HTR2C: variants seen among roughly 807,000 people sequenced by gnomAD.
HTR2C encodes the protein 5-hydroxytryptamine receptor 2C.
A neutral mutation model predicts 21.0 loss-of-function variants in HTR2C; 5 were observed. That is an observed-to-expected ratio of 0.24 (90% confidence interval 0.12 to 0.50). The LOEUF (loss-of-function observed/expected upper bound fraction) is 0.50. Ranked by LOEUF, HTR2C falls within the 20% of genes least tolerant of loss-of-function variation. HTR2C has a pLI of 0.98. For synonymous variants in HTR2C, 150 were observed against 145.3 expected (o/e 1.03, Z -0.23); for missense variants, 271 against 371.2 (o/e 0.73, Z 2.22).
intron 2 of HTR2C, among the ~76,000 whole-genome samples, chrX:114,625,204 C>T (rs1556402587): frequency 8.9e-6 from 1 of 111,733 alleles, no homozygotes; most frequent in East Asian, 2.8e-4. Flanking sequence ...CTGAGGCCCT[C>T]ACCAGAAGCA....
Position 114,907,655 on chromosome X carries a change from T to C in HTR2C, c.*240T>C, listed in dbSNP as rs201048007. ...TTTTGATTGTTTGATGAATAAAATGTTTATTTTTGCTCTCCCTCCCTTCTT... is the reference window on the plus strand; with the variant it reads ...TTTTGATTGTTTGATGAATAAAATGCTTATTTTTGCTCTCCCTCCCTTCTT... On this transcript the variant is annotated 3_prime_UTR_variant, in exon 6 of 6. Transcript: ENST00000276198. The C allele has an allele frequency of 2.0e-5, 6 of 293,988 alleles. No individual in the cohort carries two copies. Among genetic ancestry groups the C allele is most frequent in the African/African-American group, 1.1e-4 (4 of 36,393 alleles). 24.2% of individuals were successfully genotyped at this position (293,988 alleles called of 1,213,427 possible). A position where few individuals can be genotyped will look rare whatever the true frequency, so the allele number is the denominator to read the frequency against.
rs141044337 is a variant in HTR2C, at chrX:114,613,900, G to C, written c.-80+19G>C. 2 of 111,361 alleles carry C rather than the reference G, an allele frequency of 1.8e-5. No individual in the cohort carries two copies. The highest frequency in any genetic ancestry group is 3.8e-5 in the Non-Finnish European group (2 of 53,100). 9.2% of individuals were successfully genotyped at this position (111,361 alleles called of 1,213,427 possible). On this transcript the variant is annotated intron_variant, in intron 2 of 5. Transcript: ENST00000276198. ...AACAACTGTAAGTATACACATAAGC[G>C]TGCCTCAAGACTCTTATTTTGAAAT...
At chrX:114,762,855 A>C (rs1254671695) in intron 4 of HTR2C, among the ~76,000 whole-genome samples, 1 of 112,121 alleles carries the variant, frequency 8.9e-6, no homozygotes, top group African/African-American at 3.2e-5. Context: ...CAGAAGAAAT[A>C]GCTTTCATGT....
chrX:114,594,934 G>A (rs1446444218), intron 1 of HTR2C, among the ~76,000 whole-genome samples: 4 of 110,802 alleles, frequency 3.6e-5, no homozygotes, highest in African/African-American at 1.3e-4. Flanking sequence ...TAGCTGAAAG[G>A]GTTTAATAAT....
At chrX:114,789,317 A>G (rs2070208659) in intron 4 of HTR2C, among the ~76,000 whole-genome samples, 1 of 111,967 alleles carries the variant, frequency 8.9e-6, no homozygotes, top group Non-Finnish European at 1.9e-5. Context: ...ATTTAAGATT[A>G]ATGTTTTATC....
intron 4 of HTR2C, among the ~76,000 whole-genome samples, chrX:114,805,810 C>CACCATATATACACCATATATAT (rs1569495594): frequency 2.6e-4 from 24 of 93,728 alleles, no homozygotes; most frequent in African/African-American, 1.1e-3. Context: ...CATGTATATA[C>CACCATATATACACCATATATAT]ACCATATATA....
intron 2 of HTR2C, among the ~76,000 whole-genome samples, chrX:114,677,714 G>A (rs782673931): frequency 1.5e-4 from 17 of 111,588 alleles, no homozygotes; most frequent in African/African-American, 5.2e-4. Flanking sequence ...AAACAATCTT[G>A]AGTATTGTCA....
chrX:114,626,377 A>G (rs1929375732), intron 2 of HTR2C, among the ~76,000 whole-genome samples: 1 of 80,697 alleles, frequency 1.2e-5, no homozygotes, highest in Non-Finnish European at 2.4e-5. Context: ...CAACAGAAGG[A>G]GACCCTGTCA....
intron 4 of HTR2C, among the ~76,000 whole-genome samples, chrX:114,780,948 A>G (rs2070110772): frequency 9.0e-6 from 1 of 111,600 alleles, no homozygotes; most frequent in South Asian, 3.7e-4. Flanking sequence ...TCAATAAAGA[A>G]AAAAACTATA....
intron 5 of HTR2C, among the ~76,000 whole-genome samples, chrX:114,886,441 GC>G (rs1191450112): frequency 1.8e-5 from 2 of 109,805 alleles, no homozygotes; most frequent in African/African-American, 6.6e-5. Flanking sequence ...TTTACTGCTT[GC>G]TTTTACAGTA....
intron 1 of HTR2C, among the ~76,000 whole-genome samples, chrX:114,598,720 C>T (rs1927963402): frequency 9.0e-6 from 1 of 110,997 alleles, no homozygotes; most frequent in Non-Finnish European, 1.9e-5. Context: ...TTAGGAATAC[C>T]AGCAAAGTAC....
At chrX:114,845,377 G>T (rs1405109687) in intron 4 of HTR2C, among the ~76,000 whole-genome samples, 2 of 110,514 alleles carry the variant, frequency 1.8e-5, no homozygotes, top group Non-Finnish European at 3.8e-5. Context: ...GCTGCGCTCA[G>T]AGGGAAATTT....
At chrX:114,665,048 A>G (rs1228189146) in intron 2 of HTR2C, among the ~76,000 whole-genome samples, 1 of 112,563 alleles carries the variant, frequency 8.9e-6, no homozygotes, top group Non-Finnish European at 1.9e-5. Context: ...TATCGCAAAT[A>G]GAACAAGCAC....
At chrX:114,795,760 G>T (rs1025391042) in intron 4 of HTR2C, among the ~76,000 whole-genome samples, 2 of 111,192 alleles carry the variant, frequency 1.8e-5, no homozygotes, top group East Asian at 2.8e-4. Flanking sequence ...CTGTTTTGGT[G>T]ACTGTAGCCT....
intron 4 of HTR2C, among the ~76,000 whole-genome samples, chrX:114,791,548 C>T (rs1381989377): frequency 9.0e-6 from 1 of 111,511 alleles, no homozygotes; most frequent in African/African-American, 3.3e-5. Flanking sequence ...AAGTTTATAA[C>T]TATTTAATTC....
chrX:114,907,694 CCTTT>C lies in HTR2C; in HGVS notation c.*283_*286del. 4.1e-6 allele frequency: 1 copy of C among 246,871 alleles called. No individual in the cohort carries two copies. Among genetic ancestry groups the C allele is most frequent in the Non-Finnish European group, 7.2e-6 (1 of 138,818 alleles). The allele number at this position is 246,871 out of a possible 1,213,427, so 20.3% of individuals were successfully genotyped here. A position where few individuals can be genotyped will look rare whatever the true frequency, so the allele number is the denominator to read the frequency against. On this transcript the variant is annotated 3_prime_UTR_variant, in exon 6 of 6. Transcript: ENST00000276198. ...CCCTCCCTTCTTTCCTTCCTTTTTTCCTTTCTTCCTTCCTTTCTCTCTTTCTTTT... is the reference window on the plus strand; with the variant it reads ...CCCTCCCTTCTTTCCTTCCTTTTTTCCTTCCTTCCTTTCTCTCTTTCTTTT...
intron 2 of HTR2C, among the ~76,000 whole-genome samples, chrX:114,648,352 G>A (rs1930435917): frequency 9.0e-6 from 1 of 111,273 alleles, no homozygotes; most frequent in South Asian, 3.8e-4. Context: ...AAATGTCAAG[G>A]TGCCATGTTT....
At chrX:114,784,282 G>T (rs2070151240) in intron 4 of HTR2C, among the ~76,000 whole-genome samples, 1 of 110,717 alleles carries the variant, frequency 9.0e-6, no homozygotes, top group Non-Finnish European at 1.9e-5. Context: ...CATAACAAAA[G>T]GATATTATAA....
chrX:114,668,450 G>A (rs1931252746), intron 2 of HTR2C, among the ~76,000 whole-genome samples: 1 of 111,293 alleles, frequency 9.0e-6, no homozygotes, highest in Non-Finnish European at 1.9e-5. Context: ...TTTTTATTTA[G>A]CTCTTAGAGA....
Sources: gnomAD v4.1 joint callset for allele counts (sites outside exome capture counted in the v4.1 genomes callset) on GRCh38, gnomAD v4.1.1 for gene constraint, MANE v1.5 for transcripts, NCBI Gene and HGNC (gene_info 2026-07-23, HGNC 2026-07-21) for gene names.